The following SPTBN1 variants were observed in gnomAD, a reference collection of about 807,000 sequenced individuals.
SPTBN1 encodes the protein spectrin beta, non-erythrocytic 1, also known as spectrin beta chain, non-erythrocytic 1.
In SPTBN1, 32 loss-of-function variants were observed where a neutral mutation model predicts 266.4. That is an observed-to-expected ratio of 0.12 (90% confidence interval 0.09 to 0.16). SPTBN1 has a LOEUF of 0.16. Ranked by LOEUF, SPTBN1 falls within the 10% of genes least tolerant of loss-of-function variation. The probability of loss-of-function intolerance (pLI) is 1.00; values close to 1 mark genes in which losing one functional copy is unlikely to be tolerated. For missense variants in SPTBN1, 2,296 were observed against 3,067.1 expected, an observed-to-expected ratio of 0.75 and a Z score of 5.94; for synonymous variants, 1,336 against 1,162.2, an observed-to-expected ratio of 1.15 and a Z score of -3.04.
intron 1 of SPTBN1, among the ~76,000 whole-genome samples, chr2:54,469,290 C>G (rs574657275): frequency 5.9e-5 from 9 of 152,162 alleles, no homozygotes; most frequent in Non-Finnish European, 1.2e-4. Flanking sequence ...AAAGCTCTTT[C>G]CAGCAATTTC....
chr2:54,576,073 GA>G (rs752678617), intron 2 of SPTBN1, among the ~76,000 whole-genome samples: 1 of 4,834 alleles, frequency 2.1e-4, no homozygotes, highest in Non-Finnish European at 3.9e-4. Flanking sequence ...TTTTTTTTTT[GA>G]GAGACAGTCT....
At chr2:54,542,490 T>C (rs1447716398) in intron 2 of SPTBN1, among the ~76,000 whole-genome samples, 1 of 152,224 alleles carries the variant, frequency 6.6e-6, no homozygotes, top group Non-Finnish European at 1.5e-5. Context: ...TATGTAAAAC[T>C]ACCAACTTGG....
chr2:54,490,079 ATTTTTTTT>A, intron 1 of SPTBN1, among the ~76,000 whole-genome samples: 1 of 135,474 alleles, frequency 7.4e-6, no homozygotes, highest in South Asian at 2.4e-4. Flanking sequence ...AAGTTTATGA[ATTTTTTTT>A]TTTTTTTTTG....
rs760537394 is a variant in SPTBN1 at position 54,625,693 on chromosome 2, C to T, written c.1342-239C>T. ...GCAACCTCTGCTTCCCAGGTTCAAG[C>T]GATTTTCCTGCCTTAGCCTACCAAG... On this transcript the variant is annotated intron_variant, in intron 11 of 35. Transcript: ENST00000356805. Among the ~76,000 whole-genome samples the T allele has an allele frequency of 2.9e-4, 44 of 152,076 alleles. 1 individual carries two copies. The highest frequency in any genetic ancestry group is 1.9e-4 in the East Asian group (1 of 5,188).
At chr2:54,618,016 T>G in intron 6 of SPTBN1, 62 bp from the exon 7 acceptor site, 1 of 1,319,848 alleles carries the variant, frequency 7.6e-7, no homozygotes. Context: ...CAGTCATGTT[T>G]CATTAGTCAT....
intron 2 of SPTBN1, among the ~76,000 whole-genome samples, chr2:54,566,194 T>C (rs930583839): frequency 6.9e-6 from 1 of 144,338 alleles, no homozygotes; most frequent in African/African-American, 2.8e-5. Context: ...TCTTTTTTTT[T>C]TTTTTTTTTG....
intron 19 of SPTBN1, 44 bp from the exon 20 acceptor site, chr2:54,644,279 T>C: frequency 6.3e-7 from 1 of 1,579,164 alleles, no homozygotes; most frequent in Non-Finnish European, 8.6e-7. Flanking sequence ...ATTTTTTCTG[T>C]AGCAAACTTG....
intron 2 of SPTBN1, among the ~76,000 whole-genome samples, chr2:54,594,553 C>T (rs1317132123): frequency 6.6e-6 from 1 of 152,104 alleles, no homozygotes; most frequent in East Asian, 1.9e-4. Flanking sequence ...CCCGTAGATA[C>T]TGGGATTAGA....
chr2:54,515,525 A>T (rs1167712715), intron 1 of SPTBN1, among the ~76,000 whole-genome samples: 1 of 150,960 alleles, frequency 6.6e-6, no homozygotes, highest in South Asian at 2.1e-4. Flanking sequence ...AATTTTTTAG[A>T]TTATTTATTT....
intron 2 of SPTBN1, among the ~76,000 whole-genome samples, chr2:54,571,489 G>C (rs1206889421): frequency 6.6e-6 from 1 of 151,388 alleles, no homozygotes; most frequent in Admixed American, 6.6e-5. Context: ...AGGCACACTG[G>C]GTGGTGAGTC....
intron 2 of SPTBN1, among the ~76,000 whole-genome samples, chr2:54,588,105 A>G (rs996658126): frequency 4.6e-5 from 7 of 152,182 alleles, no homozygotes; most frequent in Admixed American, 6.5e-5. Flanking sequence ...AGGACATGCC[A>G]AACTTTTTCT....
At chr2:54,596,406 C>A (rs1676095543) in intron 2 of SPTBN1, among the ~76,000 whole-genome samples, 1 of 152,194 alleles carries the variant, frequency 6.6e-6, no homozygotes, top group South Asian at 2.1e-4. Flanking sequence ...TCCAAGTGCT[C>A]CATTGTAAGA....
chr2:54,619,129 C>G (rs1029926203), intron 7 of SPTBN1, among the ~76,000 whole-genome samples: 1 of 152,152 alleles, frequency 6.6e-6, no homozygotes, highest in Non-Finnish European at 1.5e-5. Context: ...GTTTAAAGTT[C>G]TTTTAAATAT....
chr2:54,522,072 T>A (rs952719235), intron 1 of SPTBN1, among the ~76,000 whole-genome samples: 8 of 151,470 alleles, frequency 5.3e-5, no homozygotes, highest in Admixed American at 5.3e-4. Flanking sequence ...TATTTTTTTT[T>A]TTTATTTTTG....
intron 1 of SPTBN1, among the ~76,000 whole-genome samples, chr2:54,486,981 C>G (rs1201679219): frequency 6.6e-6 from 1 of 151,972 alleles, no homozygotes; most frequent in Non-Finnish European, 1.5e-5. Flanking sequence ...ATTTATCAAA[C>G]GGCGCTGAGG....
At chr2:54,661,937 C>A (rs951393769) in intron 32 of SPTBN1, 3 of 985,182 alleles carry the variant, frequency 3.0e-6, no homozygotes, top group East Asian at 2.3e-4. Flanking sequence ...ATTTTAATTA[C>A]AATTGGCTTG....
chr2:54,501,707 G>A (rs1344964744), intron 1 of SPTBN1, among the ~76,000 whole-genome samples: 1 of 152,158 alleles, frequency 6.6e-6, no homozygotes, highest in East Asian at 1.9e-4. Context: ...TGGCGGGTCA[G>A]GTTGATGGGA....
intron 1 of SPTBN1, among the ~76,000 whole-genome samples, chr2:54,522,678 GGAGAGA>G (rs1553439420): frequency 2.5e-5 from 2 of 78,578 alleles, no homozygotes; most frequent in Non-Finnish European, 5.4e-5. Flanking sequence ...GAGAGAGAGA[GGAGAGA>G]GAGAGAGAGA....
rs1678608412 is a variant in SPTBN1, at chr2:54,629,737, A to G, written c.2603A>G (p.Lys868Arg). The change falls in exon 14 of 36, where the codon AAG becomes AGG. Residue 868 changes from lysine to arginine, a missense_variant. By Grantham distance (26) the Lys-to-Arg change is conservative. Transcript: ENST00000356805. ...ADACELWIDEKEQWLNNMQIP... is the reference protein window; with the variant it reads ...ADACELWIDEREQWLNNMQIP... ...GCCTGTGAGCTCTGGATCGACGAGAAGGAGCAGTGGCTCAACAACATGCAG... is the reference window on the plus strand; with the variant it reads ...GCCTGTGAGCTCTGGATCGACGAGAGGGAGCAGTGGCTCAACAACATGCAG... 1.2e-6 allele frequency: 2 copies of G among 1,612,068 alleles called. No individual in the cohort carries two copies. Among genetic ancestry groups the G allele is most frequent in the South Asian group, 2.2e-5 (2 of 91,088 alleles).
Sources: allele counts gnomAD v4.1 joint callset (sites outside exome capture counted in the v4.1 genomes callset), GRCh38; gene constraint gnomAD v4.1.1; transcripts MANE v1.5; gene names NCBI Gene and HGNC (gene_info 2026-07-23, HGNC 2026-07-21).